TTLL4: variants seen among roughly 807,000 people sequenced by gnomAD.
TTLL4 encodes tubulin tyrosine ligase like 4.
In TTLL4, 85 loss-of-function variants were observed where a neutral mutation model predicts 122.7. That is an observed-to-expected ratio of 0.69 (90% CI 0.58 to 0.83). The LOEUF is 0.83. Ranked by LOEUF, TTLL4 falls within the 40% of genes least tolerant of loss-of-function variation. The pLI is 0.00. For synonymous variants in TTLL4, 553 were observed against 563.0 expected (o/e 0.98, Z 0.25); for missense variants, 1,363 against 1,488.6 (o/e 0.92, Z 1.39).
downstream of TTLL4, among the ~76,000 whole-genome samples, chr2:218,756,812 G>C (rs1456598145): frequency 6.6e-6 from 1 of 152,216 alleles, no homozygotes; most frequent in Admixed American, 6.5e-5. Context: ...GCTATTTCTG[G>C]AGTAGTGGAG....
At position 218,754,619 on chromosome 2, in the gene TTLL4, G is replaced by A; in HGVS notation, c.*230G>A. 2 of 619,962 alleles carry A rather than the reference G, an allele frequency of 3.2e-6. No homozygotes were observed. The highest frequency in any genetic ancestry group is 2.8e-5 in the East Asian group (1 of 35,314). 38.4% of individuals were successfully genotyped at this position (619,962 alleles called of 1,614,324 possible). ...CCCTCTGTCACCTGTCTGCCTGGCT[G>A]GCACCTCATATCTCAGCAGAGAAGC... On this transcript the variant is annotated 3_prime_UTR_variant, in exon 20 of 20. Coordinates refer to ENST00000392102, the MANE Select transcript of TTLL4 (RefSeq NM_014640.5).
chr2:218,750,107 T>C lies in TTLL4; in HGVS notation c.2834T>C (p.Ile945Thr). 1 of 1,614,034 alleles carries C rather than the reference T, an allele frequency of 6.2e-7. No individual in the cohort carries two copies. The highest frequency in any genetic ancestry group is 8.5e-7 in the Non-Finnish European group (1 of 1,179,942). The change falls in exon 15 of 20, where the codon ATC becomes ACC. Residue 945 changes from isoleucine to threonine, a missense_variant. Ile to Thr is a moderately conservative substitution (Grantham distance 89). Coordinates refer to ENST00000392102, the MANE Select transcript of TTLL4 (RefSeq NM_014640.5). ...AGFVLPNAEDIISSPSSCSSS... is the reference protein window; with the variant it reads ...AGFVLPNAEDTISSPSSCSSS... The stretch of plus-strand genomic sequence containing the variant: ...TTTGTCCTGCCCAATGCAGAGGATA[T>C]CATTTCCAGCCCCAGCAGCTGCAGC...
Position 218,745,100 on chromosome 2 carries a change from TC to T in TTLL4, c.1662-8del. ...CCTTTCTCTACTCCATGTTTGTTTT[TC>T]GTCTTAGAAGCTGTATGGAAATTCT... On this transcript the variant is annotated splice_polypyrimidine_tract_variant and splice_region_variant and intron_variant, in intron 5 of 19. Transcript: ENST00000392102. The T allele has an allele frequency of 6.2e-7, 1 of 1,613,954 alleles. No individual in the cohort carries two copies.
intron 12 of TTLL4, 30 bp downstream of exon 12, chr2:218,748,257 GAAGGCCTAGAGGAATAC>G: frequency 3.1e-6 from 5 of 1,613,590 alleles, no homozygotes; most frequent in Non-Finnish European, 4.2e-6. Context: ...CCAGTCCAGT[GAAGGCCTAGAGGAATAC>G]AGGGTTCTGG....
rs758358692 is a variant in TTLL4 at position 218,739,163 on chromosome 2, G to C, written c.1487G>C (p.Ser496Thr). Residue 496 changes from serine (S) to threonine (T), a missense_variant and splice_region_variant, in exon 3 of 20, where the codon AGT becomes ACT. Physicochemically the swap from Ser to Thr is moderately conservative, Grantham distance 58 (BLOSUM62 1). Coordinates refer to ENST00000392102, the MANE Select transcript of TTLL4 (RefSeq NM_014640.5). ...RELDSSDRDISSATDLQPDQA... is the reference protein window; with the variant it reads ...RELDSSDRDITSATDLQPDQA... ...CTGGACTCATCTGATAGGGATATTA[G>C]GTATGTTGGCAATGTTTTTGGTTCA... 2.5e-6 allele frequency: 4 copies of C among 1,607,756 alleles called. No homozygotes were observed. The highest frequency in any genetic ancestry group is 3.4e-6 in the Non-Finnish European group (4 of 1,178,088).
chr2:218,755,462 G>C (rs772001981), downstream of TTLL4: 4 of 152,132 alleles, frequency 2.6e-5, no homozygotes, highest in Admixed American at 6.5e-5. Flanking sequence ...AAGGACCCCA[G>C]CACTTGAACC....
In TTLL4 at chr2:218,737,593, A is replaced by G. The variant is rs1575171843; in HGVS notation, c.-84A>G. 29 of 1,451,534 alleles carry G rather than the reference A, an allele frequency of 2.0e-5. 1 individual carries two copies. In the East Asian group the frequency reaches 6.2e-4, roughly 31 times the overall value. 89.9% of individuals were successfully genotyped at this position (1,451,534 alleles called of 1,614,324 possible). On this transcript the variant is annotated 5_prime_UTR_variant, in exon 3 of 20. Transcript: ENST00000392102. ...CTCCACTTCAGACTGACAGACTTCA[A>G]GGATGCAGCTGCTACTACCGGAGGT...
chr2:218,725,840 G>A (rs1366501375), intron 1 of TTLL4, among the ~76,000 whole-genome samples: 6 of 152,168 alleles, frequency 3.9e-5, no homozygotes, highest in Non-Finnish European at 7.4e-5. Context: ...ACAGATGTGA[G>A]CCACCATGCC....
In TTLL4 at chr2:218,719,927, G is replaced by A. The variant is rs893393888; in HGVS notation, c.-177-7342G>A. 5.3e-5 allele frequency among the ~76,000 whole-genome samples: 8 copies of A among 152,302 alleles called. No individual in the cohort carries two copies. In the South Asian group the frequency reaches 8.3e-4, roughly 16 times the overall value. On this transcript the variant is annotated intron_variant, in intron 1 of 19. Coordinates refer to ENST00000392102, the MANE Select transcript of TTLL4 (RefSeq NM_014640.5). ...GCTGTTGCAGTAAGTCCAGATCTAG[G>A]GGCATGGTGGAAATAATAAAAGGAG...
At chr2:218,716,525 C>T (rs1319898416) in intron 1 of TTLL4, among the ~76,000 whole-genome samples, 1 of 152,204 alleles carries the variant, frequency 6.6e-6, no homozygotes, top group Non-Finnish European at 1.5e-5. Flanking sequence ...CGCAGTGGCT[C>T]ACGCCTGTAA....
intron 1 of TTLL4, among the ~76,000 whole-genome samples, chr2:218,722,029 C>G (rs2106398874): frequency 6.6e-6 from 1 of 152,046 alleles, no homozygotes; most frequent in Admixed American, 6.5e-5. Flanking sequence ...TGTCTGCAGT[C>G]CCAGCACTTT....
chr2:218,734,635 C>T (rs570309161), intron 2 of TTLL4, among the ~76,000 whole-genome samples: 11 of 152,236 alleles, frequency 7.2e-5, no homozygotes, highest in African/African-American at 1.4e-4. Context: ...GCATGATGCA[C>T]GTGGGAATCA....
intron 1 of TTLL4, among the ~76,000 whole-genome samples, chr2:218,717,014 T>C (rs75218190): frequency 7.2e-5 from 11 of 152,130 alleles, no homozygotes; most frequent in Non-Finnish European, 1.5e-4. Flanking sequence ...TCTTTTTTTT[T>C]GTCCGAAGAC....
chr2:218,730,363 C>T (rs2106416161), intron 2 of TTLL4, among the ~76,000 whole-genome samples: 1 of 125,504 alleles, frequency 8.0e-6, no homozygotes, highest in South Asian at 2.9e-4. Flanking sequence ...AAAAAATTAG[C>T]TGGGTGTGGT....
intron 8 of TTLL4, 82 bp downstream of exon 8, chr2:218,746,313 G>T: frequency 6.8e-7 from 1 of 1,471,108 alleles, no homozygotes. Context: ...AGGGGGTAGG[G>T]GGCGGGAAGA....
In TTLL4 at chr2:218,751,107, C is replaced by G. The variant is rs115854652; in HGVS notation, c.2874-597C>G. On this transcript the variant is annotated intron_variant, in intron 15 of 19. Coordinates refer to ENST00000392102, the MANE Select transcript of TTLL4 (RefSeq NM_014640.5). Reference sequence around the variant, plus strand: ...GAGTGGTAGGACTGGAATTCAAATCCTGATTTGCCTGATAACAAAACTTAC... The same window carrying G: ...GAGTGGTAGGACTGGAATTCAAATCGTGATTTGCCTGATAACAAAACTTAC... Among the ~76,000 whole-genome samples the G allele has an allele frequency of 9.5e-3, 1,451 of 152,230 alleles. 33 individuals carry two copies. The highest frequency in any genetic ancestry group is 0.033 in the African/African-American group (1,364 of 41,480).
intron 1 of TTLL4, among the ~76,000 whole-genome samples, chr2:218,717,593 AT>A: frequency 6.6e-6 from 1 of 152,098 alleles, no homozygotes; most frequent in Admixed American, 6.5e-5. Context: ...GCTACCTGTA[AT>A]TTCACTAATC....
At chr2:218,739,841 CA>C (rs1212056868) in intron 3 of TTLL4, among the ~76,000 whole-genome samples, 8 of 152,168 alleles carry the variant, frequency 5.3e-5, no homozygotes, top group African/African-American at 1.9e-4. Context: ...AAATGGAAAA[CA>C]TAGTGCCTCT....
intron 8 of TTLL4, 69 bp downstream of exon 8, chr2:218,746,300 A>AG (rs1485099950): frequency 6.6e-7 from 1 of 1,507,404 alleles, no homozygotes; most frequent in Non-Finnish European, 9.2e-7. Flanking sequence ...GGATGATGTG[A>AG]GTAGGGGGTA....
Sources: allele counts gnomAD v4.1 joint callset (sites outside exome capture counted in the v4.1 genomes callset), GRCh38; gene constraint gnomAD v4.1.1; transcripts MANE v1.5; gene names NCBI Gene and HGNC (gene_info 2026-07-23, HGNC 2026-07-21).